Variants in CCDC60 observed in about 807,000 individuals in gnomAD.
CCDC60 encodes the protein coiled-coil domain containing 60.
A neutral mutation model predicts 63.5 loss-of-function variants in CCDC60; 54 were observed. That is an observed-to-expected ratio of 0.85 (90% CI 0.68 to 1.07). The LOEUF (loss-of-function observed/expected upper bound fraction) is 1.07. Among genes scored for constraint, CCDC60 ranks in the 50% least tolerant of loss-of-function variants. The pLI is 0.00. For missense variants in CCDC60, 651 were observed against 684.3 expected, an observed-to-expected ratio of 0.95 and a Z score of 0.54; for synonymous variants, 206 against 238.8, an observed-to-expected ratio of 0.86 and a Z score of 1.27.
In CCDC60 at chr12:119,456,883, C is replaced by A. The variant is rs1950758879; in HGVS notation, c.171-15111C>A. On this transcript the variant is annotated intron_variant, in intron 2 of 13. Transcript: ENST00000327554. This position sits in a 1 kb window ranked among gnomAD's most constrained non-coding sequence, Gnocchi z 4.6. ...TCTTTACTGCAACCTGTTTTATCCG[C>A]AAGGTCTTTATGATCTGTATTTTGT... Among the ~76,000 whole-genome samples the A allele has an allele frequency of 6.6e-6, 1 of 152,172 alleles. No individual in the cohort carries two copies. The highest frequency in any genetic ancestry group is 1.5e-5 in the Non-Finnish European group (1 of 68,028).
chr12:119,344,355 C>T (rs1460706865), intron 1 of CCDC60, among the ~76,000 whole-genome samples: 11 of 152,126 alleles, frequency 7.2e-5, no homozygotes, highest in East Asian at 3.9e-4. Context: ...AAACCTTCCC[C>T]GTCTAAATAA....
chr12:119,526,582 T>A (rs1952683946), intron 11 of CCDC60, among the ~76,000 whole-genome samples: 1 of 152,052 alleles, frequency 6.6e-6, no homozygotes, highest in Non-Finnish European at 1.5e-5. Context: ...AAACAACCCA[T>A]TGAAAAGTGG....
chr12:119,373,676 G>C (rs1005512718), intron 1 of CCDC60, among the ~76,000 whole-genome samples: 6 of 124,118 alleles, frequency 4.8e-5, no homozygotes, highest in African/African-American at 1.8e-4. Flanking sequence ...GTGGGGGGGG[G>C]TCTCAGTTCC....
At chr12:119,527,569 A>C (rs1458858894) in intron 11 of CCDC60, among the ~76,000 whole-genome samples, 1 of 151,594 alleles carries the variant, frequency 6.6e-6, no homozygotes, top group African/African-American at 2.4e-5. Context: ...AGGTGATCAG[A>C]GAGCTAGAGA....
chr12:119,519,394 G>GAT (rs535882054), intron 8 of CCDC60, among the ~76,000 whole-genome samples: 51 of 127,846 alleles, frequency 4.0e-4, no homozygotes, highest in Non-Finnish European at 6.9e-4. Context: ...CAGAGGTAGT[G>GAT]ATATATATGT....
Position 119,456,091 on chromosome 12 carries a change from G to A in CCDC60, c.171-15903G>A, listed in dbSNP as rs1374028977. On this transcript the variant is annotated intron_variant, in intron 2 of 13. Coordinates refer to ENST00000327554, the MANE Select transcript of CCDC60 (RefSeq NM_178499.5). The surrounding 1 kb of genome is among the most constrained non-coding windows in gnomAD (Gnocchi z 4.6). ...AGCAAGCATGTGCAATTTCAAGGGG[G>A]TAGAGAGATGCAAAGGAATGGCAGG... Among the ~76,000 whole-genome samples the A allele has an allele frequency of 1.3e-5, 2 of 151,624 alleles. No homozygotes were observed. Among genetic ancestry groups the A allele is most frequent in the East Asian group, 2.0e-4 (1 of 5,124 alleles).
chr12:119,347,499 C>T (rs1045657964), intron 1 of CCDC60, among the ~76,000 whole-genome samples: 1 of 152,182 alleles, frequency 6.6e-6, no homozygotes, highest in Non-Finnish European at 1.5e-5. Flanking sequence ...AGGAAGGTGA[C>T]ACCATGCGTT....
At position 119,439,789 on chromosome 12, in the gene CCDC60, G is replaced by C. The variant is rs1950403267; in HGVS notation, c.170+11027G>C. Among the ~76,000 whole-genome samples, 3 of 152,294 alleles carry C rather than the reference G, an allele frequency of 2.0e-5. No homozygotes were observed. In the South Asian group the frequency reaches 6.2e-4, roughly 32 times the overall value. ...TTTTCAAGCTCAGTAAAGTCCAATAGCAAAGAAGCCTACTTAAATATAGGT... is the reference window on the plus strand; with the variant it reads ...TTTTCAAGCTCAGTAAAGTCCAATACCAAAGAAGCCTACTTAAATATAGGT... On this transcript the variant is annotated intron_variant, in intron 2 of 13. Coordinates refer to ENST00000327554, the MANE Select transcript of CCDC60 (RefSeq NM_178499.5).
At chr12:119,540,289 C>A (rs1251865418) in intron 13 of CCDC60, among the ~76,000 whole-genome samples, 1 of 152,164 alleles carries the variant, frequency 6.6e-6, no homozygotes, top group Non-Finnish European at 1.5e-5. Context: ...CGTTTAACAA[C>A]AAATGACTGT....
intron 1 of CCDC60, among the ~76,000 whole-genome samples, chr12:119,392,762 A>G (rs532090940): frequency 1.4e-4 from 21 of 152,348 alleles, no homozygotes; most frequent in African/African-American, 4.6e-4. Context: ...ATGTTTGTAC[A>G]AAACCTCTTT....
intron 2 of CCDC60, among the ~76,000 whole-genome samples, chr12:119,434,765 A>G (rs139800930): frequency 2.7e-3 from 407 of 152,336 alleles, no homozygotes; most frequent in African/African-American, 9.1e-3. Context: ...AACTGAGGTG[A>G]GCTGGGTGGC....
chr12:119,413,374 T>C (rs1956640802), intron 1 of CCDC60, among the ~76,000 whole-genome samples: 1 of 152,124 alleles, frequency 6.6e-6, no homozygotes, highest in African/African-American at 2.4e-5. Flanking sequence ...CACCTACTGT[T>C]ATATCGCTGC....
At chr12:119,517,401 C>T (rs1952384144) in intron 8 of CCDC60, among the ~76,000 whole-genome samples, 2 of 152,140 alleles carry the variant, frequency 1.3e-5, no homozygotes, top group Admixed American at 6.6e-5. Flanking sequence ...TATTTATGAA[C>T]ATGTATGGGC....
chr12:119,489,849 G>A (rs1951542876), intron 5 of CCDC60, among the ~76,000 whole-genome samples: 1 of 151,502 alleles, frequency 6.6e-6, no homozygotes, highest in Admixed American at 6.6e-5. Context: ...CCAGGCCAGA[G>A]TACGGTGACG....
intron 8 of CCDC60, among the ~76,000 whole-genome samples, chr12:119,519,434 T>TGC (rs1555255229): frequency 5.6e-4 from 68 of 122,006 alleles, no homozygotes; most frequent in South Asian, 1.1e-3. Context: ...TGTGTGTGTG[T>TGC]GCGCGTGTGT....
intron 1 of CCDC60, among the ~76,000 whole-genome samples, chr12:119,370,935 G>A (rs1955891136): frequency 6.6e-6 from 1 of 152,172 alleles, no homozygotes. Context: ...AAGAGGCTGA[G>A]GTGAGAGGAT....
chr12:119,363,423 C>CTGTGTGTGTGTGTGTGTGTGTG (rs5801335), intron 1 of CCDC60, among the ~76,000 whole-genome samples: 24 of 150,660 alleles, frequency 1.6e-4, no homozygotes, highest in African/African-American at 5.8e-4. Context: ...TATGAGTCCT[C>CTGTGTGTGTGTGTGTGTGTGTG]TGTGTGTGTG....
In CCDC60 at chr12:119,419,323, T is replaced by G. The variant is rs192615506; in HGVS notation, c.91-9360T>G. The stretch of plus-strand genomic sequence containing the variant: ...TATTTTGTAAAATGACCTTCACTTT[T>G]TATTTTTCTGATTGCTTTCTCATGA... On this transcript the variant is annotated intron_variant, in intron 1 of 13. Coordinates refer to ENST00000327554, the MANE Select transcript of CCDC60 (RefSeq NM_178499.5). Among the ~76,000 whole-genome samples, 72 of 152,362 alleles carry G rather than the reference T, an allele frequency of 4.7e-4. 2 individuals are homozygous for G. The highest frequency in any genetic ancestry group is 3.1e-3 in the Admixed American group (47 of 15,302).
At position 119,540,740 on chromosome 12, in the gene CCDC60, C is replaced by G. The variant is rs1953140532; in HGVS notation, c.*25C>G. The G allele has an allele frequency of 1.3e-6, 2 of 1,504,608 alleles. No individual in the cohort carries two copies. The highest frequency in any genetic ancestry group is 2.3e-5 in the South Asian group (2 of 88,786). 93.2% of individuals were successfully genotyped at this position (1,504,608 alleles called of 1,614,324 possible). A position where few individuals can be genotyped will look rare whatever the true frequency, so the allele number is the denominator to read the frequency against. ...GGCTGGGCCTGGGTTGACCAGCTGT[C>G]TCAGTGGAGGAGTGTTTGCCTATAT... On this transcript the variant is annotated 3_prime_UTR_variant, in exon 14 of 14. Coordinates refer to ENST00000327554, the MANE Select transcript of CCDC60 (RefSeq NM_178499.5).
Sources: gnomAD v4.1 joint callset for allele counts (sites outside exome capture counted in the v4.1 genomes callset) on GRCh38, gnomAD v4.1.1 for gene constraint, Gnocchi (gnomAD v3.1) non-coding constraint, MANE v1.5 for transcripts, NCBI Gene and HGNC (gene_info 2026-07-23, HGNC 2026-07-21) for gene names.